The following PSMD12 variants were observed in gnomAD, a reference collection of about 807,000 sequenced individuals.
The protein encoded by PSMD12 is 26S proteasome non-ATPase regulatory subunit 12.
PSMD12 carries 8 observed loss-of-function variants against 62.9 expected under a neutral mutation model. The ratio of observed to expected loss-of-function variants is 0.13; its 90% confidence interval spans 0.07 to 0.23. The LOEUF (loss-of-function observed/expected upper bound fraction) is 0.23. PSMD12 is among the 10% of genes least tolerant of loss of function. The pLI, the probability that PSMD12 is intolerant of heterozygous loss-of-function variation, is 1.00. For missense variants in PSMD12, 424 were observed against 550.2 expected (o/e 0.77, Z 2.29); for synonymous variants, 173 against 187.4 (o/e 0.92, Z 0.63).
chr17:67,359,220 T>C (rs1318214284), intron 1 of PSMD12, among the ~76,000 whole-genome samples: 2 of 152,090 alleles, frequency 1.3e-5, no homozygotes, highest in South Asian at 2.1e-4. Context: ...CTGGGCAAGG[T>C]AGCCTGTGCC....
At chr17:67,358,024 C>T (rs2042092832) in intron 1 of PSMD12, among the ~76,000 whole-genome samples, 1 of 152,000 alleles carries the variant, frequency 6.6e-6, no homozygotes, top group Non-Finnish European at 1.5e-5. Context: ...CGGGTTCTAG[C>T]GATTCTCATG....
At chr17:67,350,385 G>T in intron 3 of PSMD12, 49 bp from the exon 4 acceptor site, 1 of 1,351,598 alleles carries the variant, frequency 7.4e-7, no homozygotes, top group Non-Finnish European at 1.0e-6. Flanking sequence ...CTCACAGAGC[G>T]AAAAAATGTA....
At position 67,343,047 on chromosome 17, in the gene PSMD12, G is replaced by A. The variant is rs8064921; in HGVS notation, c.1084-784C>T. 7.0e-3 allele frequency among the ~76,000 whole-genome samples: 1,065 copies of A among 151,800 alleles called. 17 individuals are homozygous for A. The highest frequency in any genetic ancestry group is 0.025 in the African/African-American group (1,026 of 41,382). ...ATTAAATTTCCTAATTTCAACTGGC[G>A]ATGGTGCTGAAGTTAAGACACAGAG... On this transcript the variant is annotated intron_variant, in intron 9 of 10. Transcript: ENST00000356126.
intron 3 of PSMD12, among the ~76,000 whole-genome samples, chr17:67,356,841 T>A (rs922745052): frequency 7.3e-5 from 11 of 151,522 alleles, no homozygotes; most frequent in Non-Finnish European, 1.5e-4. Flanking sequence ...TGAGACCTCA[T>A]CTCTACAAAA....
intron 3 of PSMD12, among the ~76,000 whole-genome samples, chr17:67,354,150 C>G (rs952275348): frequency 6.6e-6 from 1 of 152,236 alleles, no homozygotes; most frequent in Non-Finnish European, 1.5e-5. Flanking sequence ...TGGCTCATGC[C>G]TGTAATCCCA....
chr17:67,353,631 C>T (rs1035097610), intron 3 of PSMD12, among the ~76,000 whole-genome samples: 11 of 152,220 alleles, frequency 7.2e-5, no homozygotes, highest in African/African-American at 2.6e-4. Context: ...CTTAAAGCTA[C>T]TTTCTAAGTC....
At chr17:67,343,266 T>G (rs1485444032) in intron 9 of PSMD12, among the ~76,000 whole-genome samples, 1 of 152,164 alleles carries the variant, frequency 6.6e-6, no homozygotes, top group Non-Finnish European at 1.5e-5. Context: ...ATCCTTTAAA[T>G]CTAACCTTTT....
At position 67,345,751 on chromosome 17, in the gene PSMD12, T is replaced by C; in HGVS notation, c.902A>G (p.Lys301Arg). The C allele has an allele frequency of 6.2e-7, 1 of 1,600,114 alleles. No individual in the cohort carries two copies. The highest frequency in any genetic ancestry group is 1.1e-5 in the South Asian group (1 of 90,728). ...TAATTTCAAAAGTACTTACTTGTATTTGGGAATTTCTTCTAACTTCTTGTC... is the reference window on the plus strand; with the variant it reads ...TAATTTCAAAAGTACTTACTTGTATCTGGGAATTTCTTCTAACTTCTTGTC... Reference protein sequence around the residue: ...SGDKKLEEIPKYKDLLKLFTT... With the variant: ...SGDKKLEEIPRYKDLLKLFTT... Residue 301 changes from lysine to arginine, a missense_variant, in exon 8 of 11, where the codon AAA becomes AGA. Coordinates refer to ENST00000356126, the MANE Select transcript of PSMD12 (RefSeq NM_002816.5).
intron 10 of PSMD12, 61 bp downstream of exon 10, chr17:67,342,125 T>G: frequency 8.2e-7 from 1 of 1,216,844 alleles, no homozygotes; most frequent in South Asian, 1.3e-5. Context: ...CTTACTCAAT[T>G]TTTACAAGTC....
At chr17:67,341,469 CAAAA>C (rs71368819) in intron 10 of PSMD12, among the ~76,000 whole-genome samples, 41 of 51,134 alleles carry the variant, frequency 8.0e-4, no homozygotes, top group African/African-American at 3.1e-3. Context: ...GACTCTGCCT[CAAAA>C]AAAAAAAAAA....
At chr17:67,348,489 T>C in intron 5 of PSMD12, 61 bp downstream of exon 5, 1 of 1,356,394 alleles carries the variant, frequency 7.4e-7, no homozygotes, top group Non-Finnish European at 1.0e-6. Flanking sequence ...AACCTATATT[T>C]CCATTAGAAA....
At chr17:67,365,779 C>T (rs1158167738) in intron 1 of PSMD12, among the ~76,000 whole-genome samples, 1 of 152,090 alleles carries the variant, frequency 6.6e-6, no homozygotes, top group Non-Finnish European at 1.5e-5. Context: ...AGACCCAATA[C>T]AAACGTCAGC....
At chr17:67,361,248 A>T (rs2042125218) in intron 1 of PSMD12, 1 of 152,244 alleles carries the variant, frequency 6.6e-6, no homozygotes, top group South Asian at 2.1e-4. Flanking sequence ...TCTTTCAATG[A>T]TTTGTTACAC....
Position 67,366,532 on chromosome 17 carries a change from A to G in PSMD12, c.-13T>C, listed in dbSNP as rs367915743. 8.3e-4 allele frequency: 1,328 copies of G among 1,595,814 alleles called. 1 individual carries two copies. Among genetic ancestry groups the G allele is most frequent in the Non-Finnish European group, 1.0e-3 (1,208 of 1,173,040 alleles). On this transcript the variant is annotated 5_prime_UTR_variant, in exon 1 of 11. Coordinates refer to ENST00000356126, the MANE Select transcript of PSMD12 (RefSeq NM_002816.5). Reference sequence around the variant, plus strand: ...CGCCGTCCGCCATGGTCCCCGCCTGAGCGTCCCTTGCTGTCCCCCTGCTTC... The same window carrying G: ...CGCCGTCCGCCATGGTCCCCGCCTGGGCGTCCCTTGCTGTCCCCCTGCTTC...
chr17:67,366,319 C>T, intron 1 of PSMD12, 93 bp downstream of exon 1: 1 of 1,236,860 alleles, frequency 8.1e-7, no homozygotes, highest in Non-Finnish European at 1.1e-6. Context: ...GGGGGGTGCA[C>T]GCTCCAGCCC....
rs537459056 is a variant in PSMD12 at position 67,366,374 on chromosome 17, C to A, written c.108+38G>T. On this transcript the variant is annotated intron_variant, in intron 1 of 10. Transcript: ENST00000356126. ...AGCAGGCTCCGCGCCGTGACTCAGC[C>A]CCTGGCGCCCGCCAACAGCCAGCCG... 5.1e-6 allele frequency: 8 copies of A among 1,576,866 alleles called. No individual in the cohort carries two copies. The East Asian group carries it at 1.9e-4, about 36-fold the overall frequency.
rs973552732 is a variant in PSMD12, at chr17:67,338,063, G to C, written c.*2780C>G. ...CACTTACAAGAGAGAAAATGGAACT[G>C]TTTGAATTTTAAAGATGTTTTTCAG... On this transcript the variant is annotated 3_prime_UTR_variant, in exon 11 of 11. Coordinates refer to ENST00000356126, the MANE Select transcript of PSMD12 (RefSeq NM_002816.5). The C allele has an allele frequency of 1.8e-4, 27 of 152,126 alleles. No individual in the cohort carries two copies. 9.4% of individuals were successfully genotyped at this position (152,126 alleles called of 1,614,324 possible). A position where few individuals can be genotyped will look rare whatever the true frequency, so the allele number is the denominator to read the frequency against.
chr17:67,345,575 G>C (rs182001774), intron 8 of PSMD12, 170 bp downstream of exon 8: 86 of 572,514 alleles, frequency 1.5e-4, no homozygotes, highest in Non-Finnish European at 1.7e-4. Flanking sequence ...CCAGGAGGCA[G>C]AAGTTGCAGT....
intron 9 of PSMD12, 49 bp from the exon 10 acceptor site, chr17:67,342,312 G>T: frequency 8.3e-7 from 1 of 1,209,916 alleles, no homozygotes; most frequent in Non-Finnish European, 1.2e-6. Context: ...TTGTCAGTAA[G>T]TCTAAAAGTC....
Sources: allele counts gnomAD v4.1 joint callset (sites outside exome capture counted in the v4.1 genomes callset), GRCh38; gene constraint gnomAD v4.1.1; transcripts MANE v1.5; gene names NCBI Gene and HGNC (gene_info 2026-07-23, HGNC 2026-07-21).